The following HSPA12A variants were observed in gnomAD, a reference collection of about 807,000 sequenced individuals.
HSPA12A encodes heat shock 70 kDa protein 12A.
Under a neutral mutation model 69.2 loss-of-function variants are expected in HSPA12A, and 28 were observed. The ratio of observed to expected loss-of-function variants is 0.40; its 90% CI spans 0.30 to 0.55. The LOEUF is 0.55. HSPA12A is among the 20% of genes least tolerant of loss of function. The pLI, the probability that HSPA12A is intolerant of heterozygous loss-of-function variation, is 0.38. For synonymous variants in HSPA12A, 345 were observed against 370.5 expected (o/e 0.93, Z 0.79); for missense variants, 686 against 900.7 (o/e 0.76, Z 3.05).
Position 116,754,972 on chromosome 10 carries a change from G to T in HSPA12A, c.92-47687C>A, listed in dbSNP as rs116205888. On this transcript the variant is annotated intron_variant, in intron 2 of 12. Coordinates refer to the HSPA12A transcript ENST00000635765. ...TATTTATCCATGTATTTTTTTTTTT[G>T]AAACAGAATCTCACTCTGTCGCCCA... is the stretch of plus-strand genomic sequence containing the variant. 5.8e-3 allele frequency among the ~76,000 whole-genome samples: 866 copies of T among 148,954 alleles called. 11 individuals carry two copies. The highest frequency in any genetic ancestry group is 0.02 in the African/African-American group (821 of 40,556).
At chr10:116,798,980 G>A (rs1844896676) in intron 2 of HSPA12A, among the ~76,000 whole-genome samples, 1 of 152,078 alleles carries the variant, frequency 6.6e-6, no homozygotes. Flanking sequence ...GCCATGGTCA[G>A]GGAGTGGCCG....
intron 2 of HSPA12A, among the ~76,000 whole-genome samples, chr10:116,794,968 TA>T (rs1844785710): frequency 1.3e-5 from 2 of 152,192 alleles, no homozygotes; most frequent in Admixed American, 1.3e-4. Flanking sequence ...TATCAAAACT[TA>T]TAAGATGTAA....
chr10:116,742,629 C>G (rs1346886586), upstream of HSPA12A: 8 of 1,025,802 alleles, frequency 7.8e-6, no homozygotes, highest in African/African-American at 1.7e-5. Flanking sequence ...GGCTCCTCCC[C>G]GGGCCCCGCC....
intron 5 of HSPA12A, among the ~76,000 whole-genome samples, 179 bp from the exon 6 acceptor site, chr10:116,692,646 G>T (rs540558705): frequency 6.6e-6 from 1 of 152,176 alleles, no homozygotes; most frequent in Non-Finnish European, 1.5e-5. Context: ...TCTGCAAGCC[G>T]GGAGCTCTAG....
chr10:116,724,534 T>C (rs1554884759), intron 1 of HSPA12A, among the ~76,000 whole-genome samples: 1 of 152,162 alleles, frequency 6.6e-6, no homozygotes, highest in African/African-American at 2.4e-5. Flanking sequence ...TTTGTCTCAA[T>C]ATGCCTGGCC....
chr10:116,685,139 T>C (rs924871005), intron 6 of HSPA12A, among the ~76,000 whole-genome samples: 19 of 152,324 alleles, frequency 1.2e-4, no homozygotes, highest in African/African-American at 4.3e-4. Context: ...CTTCATACCA[T>C]GCCTACTGGG....
At chr10:116,787,456 A>C (rs935565921) in intron 2 of HSPA12A, among the ~76,000 whole-genome samples, 1 of 150,238 alleles carries the variant, frequency 6.7e-6, no homozygotes, top group Non-Finnish European at 1.5e-5. Context: ...AAAAAAAAAA[A>C]AAAAAAACCA....
In HSPA12A at chr10:116,705,140, A is replaced by G. The variant is rs782124426; in HGVS notation, c.254+11T>C. Reference sequence around the variant, plus strand: ...CACCAGCCACGTGGCCCTCCCACCCACAGCACTCACCTCATCACATGGATG... The same window carrying G: ...CACCAGCCACGTGGCCCTCCCACCCGCAGCACTCACCTCATCACATGGATG... On this transcript the variant is annotated intron_variant, in intron 3 of 11. Transcript: ENST00000369209. 8 of 1,613,852 alleles carry G rather than the reference A, an allele frequency of 5.0e-6. No homozygotes were observed. Among genetic ancestry groups the G allele is most frequent in the South Asian group, 1.1e-5 (1 of 91,074 alleles).
rs533573801 is a variant in HSPA12A at position 116,732,651 on chromosome 10, T to C, written c.40+9779A>G. Among the ~76,000 whole-genome samples the C allele has an allele frequency of 2.6e-5, 4 of 152,358 alleles. No individual in the cohort carries two copies. The East Asian group carries it at 7.7e-4, about 29-fold the overall frequency. Reference sequence around the variant, plus strand: ...CTGCGGCTCCACCATTGCAGAGTGTTTTATTCACAGCAATTTGACTTGGCA... The same window carrying C: ...CTGCGGCTCCACCATTGCAGAGTGTCTTATTCACAGCAATTTGACTTGGCA... On this transcript the variant is annotated intron_variant, in intron 1 of 11. Coordinates refer to ENST00000369209, the MANE Select transcript of HSPA12A (RefSeq NM_025015.3).
intron 2 of HSPA12A, 49 bp downstream of exon 2, chr10:116,707,151 G>GTGCA: frequency 9.8e-7 from 1 of 1,018,352 alleles, no homozygotes; most frequent in South Asian, 1.7e-5. Context: ...GCACCCATGC[G>GTGCA]CGCACACACA....
intron 5 of HSPA12A, among the ~76,000 whole-genome samples, chr10:116,697,478 T>G (rs1849943904): frequency 1.3e-5 from 2 of 151,666 alleles, no homozygotes; most frequent in South Asian, 2.1e-4. Flanking sequence ...GGGGGAGAAA[T>G]AGCAGCCACC....
At chr10:116,748,489 C>A (rs1256445722) in intron 2 of HSPA12A, among the ~76,000 whole-genome samples, 7 of 152,340 alleles carry the variant, frequency 4.6e-5, no homozygotes, top group Admixed American at 2.6e-4. Flanking sequence ...TTCTCAGTGA[C>A]TTCTGCAAGA....
At chr10:116,751,376 G>T (rs938438016) in intron 2 of HSPA12A, 1 of 154,412 alleles carries the variant, frequency 6.5e-6, no homozygotes, top group Non-Finnish European at 1.4e-5. Flanking sequence ...TGTACATTTT[G>T]CATGTACATA....
chr10:116,783,935 C>G (rs782589938), intron 2 of HSPA12A, among the ~76,000 whole-genome samples: 7 of 152,220 alleles, frequency 4.6e-5, no homozygotes, highest in Non-Finnish European at 1.0e-4. Flanking sequence ...AACTCTTGAC[C>G]TCCAGTGATC....
In HSPA12A at chr10:116,679,518, G is replaced by C; in HGVS notation, c.1271C>G (p.Ala424Gly). 6.2e-7 allele frequency: 1 copy of C among 1,613,826 alleles called. No homozygotes were observed. The highest frequency in any genetic ancestry group is 8.5e-7 in the Non-Finnish European group (1 of 1,179,968). ...CCCAACTCACTTGCTTTTCCGCAAGGCGTGCTCCACACTGTGCCCGCGGAA... is the reference window on the plus strand; with the variant it reads ...CCCAACTCACTTGCTTTTCCGCAAGCCGTGCTCCACACTGTGCCCGCGGAA... The part of the protein sequence containing the change: ...KKFRGHSVEH[A>G]LRKSNVDFVK... Residue 424 changes from alanine (A) to glycine (G), a missense_variant, in exon 10 of 12, where the codon GCC becomes GGC. Ala to Gly is a moderately conservative substitution (Grantham distance 60, BLOSUM62 0). Transcript: ENST00000369209.
At chr10:116,770,896 G>GT (rs1434709103) in intron 2 of HSPA12A, among the ~76,000 whole-genome samples, 3 of 130,894 alleles carry the variant, frequency 2.3e-5, no homozygotes, top group African/African-American at 1.4e-4. Flanking sequence ...AGCCTCTCTT[G>GT]GGGGAGATTT....
chr10:116,686,493 G>C lies in HSPA12A; in HGVS notation c.664-2531C>G, dbSNP rs1849579570. On this transcript the variant is annotated intron_variant, in intron 6 of 11. Coordinates refer to ENST00000369209, the MANE Select transcript of HSPA12A (RefSeq NM_025015.3). This position sits in a 1 kb window ranked among gnomAD's most constrained non-coding sequence, Gnocchi z 4.1. ...AAAGTTCAAACTTGAAAATAAACTG[G>C]GGATGGCAGTAGACCCATGAGTGGA... 6.6e-6 allele frequency among the ~76,000 whole-genome samples: 1 copy of C among 152,174 alleles called. No homozygotes were observed. The highest frequency in any genetic ancestry group is 2.4e-5 in the African/African-American group (1 of 41,422).
intron 2 of HSPA12A, among the ~76,000 whole-genome samples, chr10:116,755,508 G>T (rs1395524776): frequency 6.6e-5 from 10 of 151,278 alleles, no homozygotes; most frequent in Non-Finnish European, 1.5e-4. Context: ...GATACTTAGG[G>T]GGCTGAAGCA....
chr10:116,681,757 T>C, intron 8 of HSPA12A, 34 bp downstream of exon 8: 1 of 1,584,542 alleles, frequency 6.3e-7, no homozygotes. Flanking sequence ...CACAGGAAAA[T>C]CCAGCAAGAG....
Sources: allele counts gnomAD v4.1 joint callset (sites outside exome capture counted in the v4.1 genomes callset), GRCh38; gene constraint gnomAD v4.1.1; non-coding constraint Gnocchi (gnomAD v3.1); transcripts MANE v1.5; gene names NCBI Gene and HGNC (gene_info 2026-07-23, HGNC 2026-07-21).